Variants in SPATA31H1 observed in about 807,000 individuals in gnomAD.
The protein encoded by SPATA31H1 is spermatogenesis-associated protein 31H1.
At chr2:27,576,998 A>C in the SPATA31H1 span, 7 of 1,614,108 alleles carry the variant, frequency 4.3e-6, no homozygotes, top group South Asian at 7.7e-5. Context: ...CAAAGTATCA[A>C]ATCCCTAAAT....
chr2:27,577,569 G>A, the SPATA31H1 span: 2 of 1,614,176 alleles, frequency 1.2e-6, no homozygotes, highest in African/African-American at 1.3e-5. This position sits in a 1 kb window ranked among gnomAD's most constrained non-coding sequence, Gnocchi z 4.5. Flanking sequence ...GGAAGAATCT[G>A]TGGTATTGAT....
chr2:27,566,501 G>C, the SPATA31H1 span: 2 of 647,978 alleles, frequency 3.1e-6, no homozygotes, highest in Non-Finnish European at 5.7e-6. Context: ...TTTTGTCTGT[G>C]GGGGTAGTTC....
chr2:27,562,618 G>A, the SPATA31H1 span, among the ~76,000 whole-genome samples: 1 of 150,924 alleles, frequency 6.6e-6, no homozygotes, highest in African/African-American at 2.4e-5. Context: ...TGGGTGCGGT[G>A]GCTCACGCCT....
At chr2:27,552,873 T>C in the SPATA31H1 span, among the ~76,000 whole-genome samples, 2 of 152,086 alleles carry the variant, frequency 1.3e-5, no homozygotes, top group Non-Finnish European at 2.9e-5. Flanking sequence ...TTAGCTCTAA[T>C]AGGTTTCTTC....
the SPATA31H1 span, among the ~76,000 whole-genome samples, chr2:27,563,108 T>C: frequency 3.3e-5 from 5 of 152,200 alleles, no homozygotes; most frequent in African/African-American, 1.2e-4. Flanking sequence ...TATTAAATTA[T>C]ATTTTTATAG....
chr2:27,562,034 T>C, the SPATA31H1 span, among the ~76,000 whole-genome samples: 57 of 152,314 alleles, frequency 3.7e-4, no homozygotes, highest in African/African-American at 1.3e-3. Context: ...CATTTTCCCA[T>C]TGATTTATGG....
At chr2:27,561,861 G>C in the SPATA31H1 span, among the ~76,000 whole-genome samples, 1 of 152,142 alleles carries the variant, frequency 6.6e-6, no homozygotes, top group African/African-American at 2.4e-5. Context: ...ACCACGCCCA[G>C]CTAGCTTTTT....
chr2:27,539,634 C>T, the SPATA31H1 span, among the ~76,000 whole-genome samples: 1 of 111,234 alleles, frequency 9.0e-6, no homozygotes, highest in African/African-American at 3.6e-5. Flanking sequence ...CCGCTGGGCA[C>T]ACCTCCCAGA....
the SPATA31H1 span, among the ~76,000 whole-genome samples, chr2:27,544,375 CT>C: frequency 6.6e-6 from 1 of 151,910 alleles, no homozygotes; most frequent in East Asian, 1.9e-4. Context: ...CTCCTCTCTG[CT>C]CAGACACAAC....
At chr2:27,560,749 C>T in the SPATA31H1 span, among the ~76,000 whole-genome samples, 1 of 152,164 alleles carries the variant, frequency 6.6e-6, no homozygotes, top group Admixed American at 6.5e-5. Context: ...TGAGCCACCG[C>T]GCCCAGCCTC....
the SPATA31H1 span, chr2:27,576,619 A>G: frequency 6.2e-7 from 1 of 1,608,688 alleles, no homozygotes. Context: ...AATTATCAAG[A>G]GTTGACTTCA....
chr2:27,570,059 T>C, the SPATA31H1 span: 1 of 398,906 alleles, frequency 2.5e-6, no homozygotes, highest in Non-Finnish European at 4.4e-6. Context: ...AATCACAACC[T>C]CAAGATGTGA....
chr2:27,563,380 TAC>T, the SPATA31H1 span, among the ~76,000 whole-genome samples: 3 of 126,136 alleles, frequency 2.4e-5, no homozygotes, highest in South Asian at 2.6e-4. Flanking sequence ...CTTCCTCTTC[TAC>T]TTCTTTTTTT....
the SPATA31H1 span, among the ~76,000 whole-genome samples, chr2:27,565,780 C>G: frequency 2.0e-5 from 3 of 152,120 alleles, no homozygotes; most frequent in Admixed American, 2.0e-4. Context: ...CCTCTGTTTC[C>G]CCTACTCTCA....
chr2:27,570,667 A>G, the SPATA31H1 span: 1 of 398,804 alleles, frequency 2.5e-6, no homozygotes, highest in South Asian at 1.3e-4. Context: ...CCACAGCTAC[A>G]ATGTGTAAAA....
chr2:27,582,190 C>T, the SPATA31H1 span: 1 of 1,613,708 alleles, frequency 6.2e-7, no homozygotes. Context: ...CACAGTTCCT[C>T]TGGGAAAACC....
chr2:27,549,039 C>G, the SPATA31H1 span, among the ~76,000 whole-genome samples: 2 of 144,400 alleles, frequency 1.4e-5, no homozygotes, highest in African/African-American at 5.2e-5. Flanking sequence ...CGCCACTGCA[C>G]TCCAGCCTGA....
chr2:27,540,020 C>T, the SPATA31H1 span, among the ~76,000 whole-genome samples: 517 of 88,366 alleles, frequency 5.9e-3, no homozygotes, highest in African/African-American at 0.011. Context: ...GGGGGGCTGA[C>T]CCCCCCACCT....
At chr2:27,581,788 A>G in the SPATA31H1 span, 15 of 1,613,288 alleles carry the variant, frequency 9.3e-6, no homozygotes, top group East Asian at 2.9e-4. Context: ...AGTCCCTCTG[A>G]GAGAAGCCAT....
Sources: gnomAD v4.1 joint callset for allele counts (sites outside exome capture counted in the v4.1 genomes callset) on GRCh38, gnomAD v4.1.1 for gene constraint, Gnocchi (gnomAD v3.1) non-coding constraint, MANE v1.5 for transcripts, NCBI Gene and HGNC (gene_info 2026-07-23, HGNC 2026-07-21) for gene names.